SPAG17: variants seen among roughly 807,000 people sequenced by gnomAD.
SPAG17 encodes the protein sperm-associated antigen 17.
SPAG17 carries 169 observed loss-of-function variants against 273.6 expected under a neutral mutation model. The observed-to-expected ratio is 0.62, with a 90% CI of 0.55 to 0.70. The LOEUF (loss-of-function observed/expected upper bound fraction) is 0.70, where lower values mean the gene tolerates loss of function less well. Among genes scored for constraint, SPAG17 ranks in the 30% least tolerant of loss-of-function variants. The pLI, the probability that SPAG17 is intolerant of heterozygous loss-of-function variation, is 0.00. For synonymous variants in SPAG17, 825 were observed against 873.2 expected (o/e 0.94, Z 0.97); for missense variants, 2,557 against 2,627.8 (o/e 0.97, Z 0.59).
intron 29 of SPAG17, among the ~76,000 whole-genome samples, chr1:118,014,430 A>G (rs910560415): frequency 3.3e-5 from 5 of 152,192 alleles, no homozygotes; most frequent in Non-Finnish European, 7.3e-5. Context: ...AAGCCAAATA[A>G]TCTACCTCAG....
intron 1 of SPAG17, among the ~76,000 whole-genome samples, chr1:118,183,336 C>T (rs151287143): frequency 2.0e-5 from 3 of 152,192 alleles, no homozygotes; most frequent in East Asian, 1.9e-4. Context: ...ATTCAGAGTC[C>T]GTTTCATTGG....
chr1:117,983,756 G>C (rs549654635), intron 42 of SPAG17, 55 bp downstream of exon 42: 16 of 1,211,028 alleles, frequency 1.3e-5, no homozygotes, highest in Admixed American at 5.5e-5. Flanking sequence ...GCCACTGTTA[G>C]GTATTATTCA....
At chr1:118,094,564 T>G in intron 7 of SPAG17, among the ~76,000 whole-genome samples, 1 of 152,352 alleles carries the variant, frequency 6.6e-6, no homozygotes, top group Admixed American at 6.5e-5. Context: ...ATGGATCCTA[T>G]CTTGGATATG....
At chr1:118,121,174 C>T (rs1011023813) in intron 3 of SPAG17, among the ~76,000 whole-genome samples, 3 of 151,988 alleles carry the variant, frequency 2.0e-5, no homozygotes, top group African/African-American at 7.3e-5. Flanking sequence ...ATGGAACTTC[C>T]CCTCCAGCCA....
intron 28 of SPAG17, among the ~76,000 whole-genome samples, chr1:118,018,045 C>A (rs1251574543): frequency 6.6e-6 from 1 of 152,182 alleles, no homozygotes; most frequent in Non-Finnish European, 1.5e-5. Flanking sequence ...AAGATCAGCA[C>A]AAGCCATGGA....
intron 31 of SPAG17, 97 bp downstream of exon 31, chr1:118,007,947 T>G (rs1038120964): frequency 7.8e-7 from 1 of 1,284,334 alleles, no homozygotes; most frequent in Non-Finnish European, 1.1e-6. Context: ...GCAACAGCAG[T>G]GTACATTGCA....
chr1:118,128,171 A>T (rs908802877), intron 3 of SPAG17, among the ~76,000 whole-genome samples: 1 of 150,606 alleles, frequency 6.6e-6, no homozygotes, highest in African/African-American at 2.4e-5. Flanking sequence ...ATTTTTGTGC[A>T]GCTGTTGCAA....
At chr1:118,018,709 C>G (rs1228235367) in intron 28 of SPAG17, among the ~76,000 whole-genome samples, 1 of 151,744 alleles carries the variant, frequency 6.6e-6, no homozygotes, top group Non-Finnish European at 1.5e-5. Flanking sequence ...TGGTGCATGC[C>G]TGTTGCATGG....
At chr1:118,020,891 G>T (rs1660434736) in intron 28 of SPAG17, among the ~76,000 whole-genome samples, 1 of 152,062 alleles carries the variant, frequency 6.6e-6, no homozygotes, top group African/African-American at 2.4e-5. Context: ...TTCAAATTTA[G>T]TATATTTAGT....
At chr1:118,108,781 A>G (rs1656571781) in intron 4 of SPAG17, among the ~76,000 whole-genome samples, 1 of 152,032 alleles carries the variant, frequency 6.6e-6, no homozygotes, top group African/African-American at 2.4e-5. Context: ...GGATAGGCAC[A>G]GAGATTTCTT....
chr1:118,027,301 T>C (rs1647862454), intron 26 of SPAG17, among the ~76,000 whole-genome samples: 1 of 152,190 alleles, frequency 6.6e-6, no homozygotes, highest in South Asian at 2.1e-4. Context: ...AAGCGAAATT[T>C]AACTTCAACA....
At chr1:118,117,803 T>C (rs1216011046) in intron 3 of SPAG17, among the ~76,000 whole-genome samples, 1 of 152,248 alleles carries the variant, frequency 6.6e-6, no homozygotes, top group Admixed American at 6.5e-5. Context: ...CAGGCATACT[T>C]GGCCTCCCCC....
intron 44 of SPAG17, among the ~76,000 whole-genome samples, chr1:117,973,123 G>A (rs1654755182): frequency 6.6e-6 from 1 of 152,124 alleles, no homozygotes; most frequent in African/African-American, 2.4e-5. Flanking sequence ...CTCCCAGCAT[G>A]GCTGATTTCA....
At chr1:118,141,507 T>C (rs1658677899) in intron 3 of SPAG17, among the ~76,000 whole-genome samples, 2 of 152,242 alleles carry the variant, frequency 1.3e-5, no homozygotes, top group Admixed American at 6.5e-5. Context: ...CAAATCTTTA[T>C]CCATTATATA....
intron 43 of SPAG17, among the ~76,000 whole-genome samples, chr1:117,979,469 G>A (rs1655520508): frequency 6.6e-6 from 1 of 151,942 alleles, no homozygotes; most frequent in Non-Finnish European, 1.5e-5. Context: ...GCCCACCATA[G>A]CCCAGGTCTT....
chr1:117,989,828 C>T (rs918718666), intron 38 of SPAG17, among the ~76,000 whole-genome samples: 20 of 152,108 alleles, frequency 1.3e-4, no homozygotes, highest in Non-Finnish European at 2.5e-4. Context: ...GAACCACCCA[C>T]TTTGGCCTCC....
chr1:118,025,495 T>TTTTGC, intron 26 of SPAG17, 79 bp from the exon 27 acceptor site: 1 of 1,117,538 alleles, frequency 8.9e-7, no homozygotes, highest in Non-Finnish European at 1.2e-6. Flanking sequence ...AATTATTTTC[T>TTTTGC]TTTTCTTTTC....
intron 38 of SPAG17, among the ~76,000 whole-genome samples, chr1:117,989,217 C>A (rs1407275525): frequency 1.3e-5 from 2 of 152,106 alleles, no homozygotes; most frequent in African/African-American, 2.4e-5. Context: ...TAAAATAGTA[C>A]CTGAGGCTGT....
At chr1:118,156,578 G>A (rs575715345) in intron 1 of SPAG17, among the ~76,000 whole-genome samples, 3 of 152,304 alleles carry the variant, frequency 2.0e-5, no homozygotes, top group East Asian at 3.9e-4. Flanking sequence ...TTTCCCAGGA[G>A]TGACTTAGAC....
Sources: allele counts gnomAD v4.1 joint callset (sites outside exome capture counted in the v4.1 genomes callset), GRCh38; gene constraint gnomAD v4.1.1; transcripts MANE v1.5; gene names NCBI Gene and HGNC (gene_info 2026-07-23, HGNC 2026-07-21).